The following ADAMTS19 variants were observed in gnomAD, a reference collection of about 807,000 sequenced individuals.
The protein encoded by ADAMTS19 is A disintegrin and metalloproteinase with thrombospondin motifs 19.
A neutral mutation model predicts 153.3 loss-of-function variants in ADAMTS19; 93 were observed. The ratio of observed to expected loss-of-function variants is 0.61; its 90% CI spans 0.51 to 0.72. ADAMTS19 has a LOEUF of 0.72. ADAMTS19 is among the 30% of genes least tolerant of loss of function. The probability of loss-of-function intolerance (pLI) is 0.00; values close to 1 mark genes in which losing one functional copy is unlikely to be tolerated. For missense variants in ADAMTS19, 1,482 were observed against 1,552.1 expected (o/e 0.95, Z 0.76); for synonymous variants, 600 against 556.6 (o/e 1.08, Z -1.10).
At chr5:129,517,277 C>A (rs922827397) in intron 3 of ADAMTS19, among the ~76,000 whole-genome samples, 2 of 151,876 alleles carry the variant, frequency 1.3e-5, no homozygotes, top group African/African-American at 2.4e-5. Context: ...TTATAATGTT[C>A]TGTAAATCTT....
intron 3 of ADAMTS19, among the ~76,000 whole-genome samples, chr5:129,510,320 A>G (rs1581021799): frequency 1.3e-5 from 2 of 151,718 alleles, no homozygotes; most frequent in South Asian, 2.1e-4. Context: ...ATATATTTCT[A>G]TTTAGAATAT....
intron 21 of ADAMTS19, among the ~76,000 whole-genome samples, chr5:129,713,206 C>T (rs1378584495): frequency 2.0e-5 from 3 of 152,088 alleles, no homozygotes; most frequent in Non-Finnish European, 4.4e-5. Context: ...TTCTATGTTG[C>T]AGGGGGTGAG....
chr5:129,524,322 C>T (rs1293473959), intron 3 of ADAMTS19, among the ~76,000 whole-genome samples: 1 of 152,130 alleles, frequency 6.6e-6, no homozygotes, highest in Non-Finnish European at 1.5e-5. Context: ...AGATTAAAGA[C>T]TTAAATGTAA....
chr5:129,563,677 A>G (rs1377816004), intron 7 of ADAMTS19, among the ~76,000 whole-genome samples: 3 of 152,190 alleles, frequency 2.0e-5, no homozygotes, highest in Admixed American at 6.5e-5. Context: ...TTGAATATTT[A>G]GAGGTCTTCA....
intron 4 of ADAMTS19, 58 bp downstream of exon 4, chr5:129,526,514 G>A: frequency 6.9e-7 from 1 of 1,449,174 alleles, no homozygotes; most frequent in Non-Finnish European, 9.3e-7. Context: ...AGGAAGACAT[G>A]TGTGAGTATT....
chr5:129,620,254 A>G (rs1299126293), intron 8 of ADAMTS19, among the ~76,000 whole-genome samples: 2 of 152,076 alleles, frequency 1.3e-5, no homozygotes, highest in Admixed American at 1.3e-4. Context: ...AATTTGATTC[A>G]GGCAACAGCA....
intron 2 of ADAMTS19, among the ~76,000 whole-genome samples, chr5:129,504,590 C>T (rs1751207691): frequency 6.6e-6 from 1 of 152,082 alleles, no homozygotes; most frequent in African/African-American, 2.4e-5. Context: ...CCATGTCGTG[C>T]AGTAAATCTC....
chr5:129,690,125 A>C (rs1043397547), intron 18 of ADAMTS19, among the ~76,000 whole-genome samples: 3 of 151,810 alleles, frequency 2.0e-5, no homozygotes, highest in Non-Finnish European at 4.4e-5. Context: ...TGCATCCACT[A>C]TTGCTAGGTG....
At chr5:129,722,503 TTAGA>T (rs10588460) in intron 21 of ADAMTS19, among the ~76,000 whole-genome samples, 16,867 of 152,130 alleles carry the variant, frequency 0.11, 2,088 homozygotes, top group African/African-American at 0.31. Context: ...TAGACCTTTG[TTAGA>T]TAGGTAGATT....
chr5:129,696,449 T>C (rs993425603), intron 19 of ADAMTS19, among the ~76,000 whole-genome samples: 8 of 152,136 alleles, frequency 5.3e-5, no homozygotes, highest in Non-Finnish European at 1.2e-4. Context: ...TCTACGAAGT[T>C]TGAATTTCAA....
chr5:129,732,132 C>T (rs1757466775), intron 21 of ADAMTS19, among the ~76,000 whole-genome samples: 1 of 151,954 alleles, frequency 6.6e-6, no homozygotes, highest in Admixed American at 6.6e-5. Flanking sequence ...AAATATTTTA[C>T]AAATGAAAAT....
intron 10 of ADAMTS19, among the ~76,000 whole-genome samples, chr5:129,634,414 A>G (rs1752439327): frequency 2.0e-5 from 3 of 152,196 alleles, no homozygotes; most frequent in African/African-American, 7.2e-5. Context: ...GATATTCATC[A>G]CAGAATTAGA....
At chr5:129,492,058 G>T (rs1750787294) in intron 2 of ADAMTS19, among the ~76,000 whole-genome samples, 1 of 152,154 alleles carries the variant, frequency 6.6e-6, no homozygotes. Flanking sequence ...TTGGCTTATG[G>T]TTCTGCAGGC....
rs1426803075 is a variant in ADAMTS19 at position 129,596,717 on chromosome 5, C to A, written c.1478+53C>A. The A allele has an allele frequency of 2.3e-6, 3 of 1,303,756 alleles. No individual in the cohort carries two copies. The South Asian group carries it at 4.3e-5, about 19-fold the overall frequency. 80.8% of individuals were successfully genotyped at this position (1,303,756 alleles called of 1,614,324 possible). ...TATGTTAGCATATAACTTTGTAATT[C>A]GAGTTACTGAATTACCTGGATATCT... is the stretch of plus-strand genomic sequence containing the variant. On this transcript the variant is annotated intron_variant, in intron 8 of 22. Transcript: ENST00000274487.
At position 129,724,949 on chromosome 5, in the gene ADAMTS19, G is replaced by A. The variant is rs145570106; in HGVS notation, c.3313-9983G>A. On this transcript the variant is annotated intron_variant, in intron 21 of 22. Transcript: ENST00000274487. ...AAAAGGGAGAAGGACCCTCAATGTT[G>A]AACATATCTGGGCCCCAGGTAGCCT... 3.0e-4 allele frequency among the ~76,000 whole-genome samples: 45 copies of A among 152,208 alleles called. No individual in the cohort carries two copies. In the East Asian group the frequency reaches 7.9e-3, roughly 27 times the overall value.
At chr5:129,659,023 G>A (rs754234470) in intron 15 of ADAMTS19, among the ~76,000 whole-genome samples, 2 of 152,190 alleles carry the variant, frequency 1.3e-5, no homozygotes, top group Admixed American at 6.5e-5. Flanking sequence ...GGTTTCTACA[G>A]ACCTTATTCT....
intron 8 of ADAMTS19, among the ~76,000 whole-genome samples, chr5:129,604,474 A>G (rs1374426663): frequency 6.6e-6 from 1 of 152,152 alleles, no homozygotes; most frequent in Non-Finnish European, 1.5e-5. Flanking sequence ...CATCTGTTAG[A>G]TATATGCTTC....
chr5:129,536,510 C>A (rs1314001611), intron 6 of ADAMTS19, among the ~76,000 whole-genome samples: 4 of 152,152 alleles, frequency 2.6e-5, no homozygotes, highest in African/African-American at 7.2e-5. Flanking sequence ...GTGGCGATTC[C>A]TCAGGGATCT....
At chr5:129,547,879 C>A (rs868083881) in intron 6 of ADAMTS19, among the ~76,000 whole-genome samples, 5 of 150,780 alleles carry the variant, frequency 3.3e-5, no homozygotes, top group Non-Finnish European at 7.4e-5. Context: ...CACATATCTA[C>A]AACTATCTGA....
Sources: gnomAD v4.1 joint callset for allele counts (sites outside exome capture counted in the v4.1 genomes callset) on GRCh38, gnomAD v4.1.1 for gene constraint, MANE v1.5 for transcripts, NCBI Gene and HGNC (gene_info 2026-07-23, HGNC 2026-07-21) for gene names.